Variants in SYT16 observed in about 807,000 individuals in gnomAD.
The protein encoded by SYT16 is synaptotagmin-16.
In SYT16, 42 loss-of-function variants were observed where a neutral mutation model predicts 61.4. That is an observed-to-expected ratio of 0.68 (90% confidence interval 0.53 to 0.89). The LOEUF (loss-of-function observed/expected upper bound fraction) is 0.89, where lower values mean the gene tolerates loss of function less well. Among genes scored for constraint, SYT16 ranks in the 40% least tolerant of loss-of-function variants. The pLI is 0.00. For synonymous variants in SYT16, 314 were observed against 302.3 expected (o/e 1.04, Z -0.40); for missense variants, 804 against 807.3 (o/e 1.00, Z 0.05).
At chr14:61,949,778 C>A (rs553986352) in intron 1 of SYT16, among the ~76,000 whole-genome samples, 2 of 152,184 alleles carry the variant, frequency 1.3e-5, no homozygotes, top group Non-Finnish European at 2.9e-5. Context: ...CATGTAAGTA[C>A]TTTAGCCCCC....
chr14:61,915,364 A>G lies in SYT16; in HGVS notation c.-324-54768A>G, dbSNP rs530048083. ...TTAATTCGTGTAATATGTAATATAG[A>G]TGTATGCATACATAACATACATCTA... On this transcript the variant is annotated intron_variant, in intron 1 of 7. Coordinates refer to ENST00000683842, the MANE Select transcript of SYT16 (RefSeq NM_001367656.1). 2.9e-3 allele frequency among the ~76,000 whole-genome samples: 447 copies of G among 152,292 alleles called. 1 individual carries two copies. Among genetic ancestry groups the G allele is most frequent in the Middle Eastern group, 0.01 (3 of 294 alleles).
At chr14:62,070,633 C>T (rs1367646755) in intron 4 of SYT16, among the ~76,000 whole-genome samples, 1 of 152,134 alleles carries the variant, frequency 6.6e-6, no homozygotes, top group East Asian at 1.9e-4. Context: ...TGTGCTTTCC[C>T]AAGCAAAGGT....
intron 1 of SYT16, among the ~76,000 whole-genome samples, chr14:61,948,087 A>C (rs2050519936): frequency 6.6e-6 from 1 of 152,166 alleles, no homozygotes; most frequent in Non-Finnish European, 1.5e-5. Context: ...AGAGTCTTGA[A>C]TGTTATAATA....
chr14:62,048,376 T>C (rs1437366123), intron 3 of SYT16, among the ~76,000 whole-genome samples: 2 of 152,176 alleles, frequency 1.3e-5, no homozygotes, highest in Non-Finnish European at 2.9e-5. Context: ...TTTTTTTCTT[T>C]ATTAGTCTTG....
intron 3 of SYT16, among the ~76,000 whole-genome samples, chr14:62,043,158 A>C (rs574049179): frequency 2.1e-5 from 3 of 146,034 alleles, no homozygotes; most frequent in Admixed American, 1.4e-4. Context: ...CTTGCTTTCC[A>C]GTTCATGTAC....
intron 6 of SYT16, 125 bp downstream of exon 6, chr14:62,081,399 C>T: frequency 9.3e-7 from 1 of 1,078,214 alleles, no homozygotes; most frequent in Non-Finnish European, 1.3e-6. Context: ...ATTTGGCTCT[C>T]CTCACCCTTG....
chr14:61,945,581 C>T (rs576273374), intron 1 of SYT16, among the ~76,000 whole-genome samples: 268 of 152,142 alleles, frequency 1.8e-3, no homozygotes, highest in African/African-American at 6.1e-3. Flanking sequence ...TGGGGCCAGG[C>T]GCGGTGGCTC....
chr14:61,967,207 C>T (rs1242755376), intron 1 of SYT16, among the ~76,000 whole-genome samples: 2 of 152,078 alleles, frequency 1.3e-5, no homozygotes, highest in African/African-American at 4.8e-5. Context: ...AATAGGTGAA[C>T]ACAGCAACAA....
intron 1 of SYT16, among the ~76,000 whole-genome samples, chr14:61,849,055 C>T (rs1383594688): frequency 6.6e-6 from 1 of 152,162 alleles, no homozygotes; most frequent in Non-Finnish European, 1.5e-5. Context: ...GGGTTCTTCC[C>T]TTCAAGGCAG....
At chr14:62,034,732 G>A (rs1240139805) in intron 3 of SYT16, among the ~76,000 whole-genome samples, 1 of 152,138 alleles carries the variant, frequency 6.6e-6, no homozygotes, top group African/African-American at 2.4e-5. Context: ...GAATGGGTTG[G>A]TGACAGGTAG....
chr14:62,109,483 T>C lies in SYT16; in HGVS notation c.*8776T>C, dbSNP rs927824456. 9 of 152,190 alleles carry C rather than the reference T, an allele frequency of 5.9e-5. No homozygotes were observed. The highest frequency in any genetic ancestry group is 1.4e-4 in the African/African-American group (6 of 41,460). The allele number at this position is 152,190 out of a possible 1,614,324, so 9.4% of individuals were successfully genotyped here. On this transcript the variant is annotated 3_prime_UTR_variant, in exon 8 of 8. Transcript: ENST00000683842. ...GTGCGTGCTCTCAGGAAAAGCTGCA[T>C]ATATTTTATATGATCCATCAAATAA...
intron 1 of SYT16, among the ~76,000 whole-genome samples, chr14:61,856,420 ATATAC>A (rs1036303247): frequency 3.9e-5 from 6 of 152,236 alleles, no homozygotes; most frequent in African/African-American, 1.4e-4. Flanking sequence ...ACATATGCAC[ATATAC>A]TATTTAATAC....
chr14:62,018,835 C>T (rs1191500995), intron 3 of SYT16, among the ~76,000 whole-genome samples: 1 of 152,174 alleles, frequency 6.6e-6, no homozygotes, highest in African/African-American at 2.4e-5. Context: ...TTTCACTCTA[C>T]GGTGCTTCTT....
At chr14:62,031,516 G>C (rs1170035009) in intron 3 of SYT16, among the ~76,000 whole-genome samples, 2 of 152,154 alleles carry the variant, frequency 1.3e-5, no homozygotes, top group African/African-American at 4.8e-5. Context: ...ATGAAAACAA[G>C]AGGGGCAAAT....
intron 1 of SYT16, among the ~76,000 whole-genome samples, chr14:61,898,327 C>A (rs1054236450): frequency 6.6e-6 from 1 of 152,146 alleles, no homozygotes; most frequent in Non-Finnish European, 1.5e-5. Context: ...GAGAGGTAGA[C>A]GAGGCATGCA....
Position 62,084,292 on chromosome 14 carries a change from G to T in SYT16, c.1531G>T (p.Val511Leu), listed in dbSNP as rs1337453647. ...TCATGGAGGGGCGCCAGAGCTGTTG[G>T]TGGGGCTCTCGTACAATGCCACAAC... ...LSHGGAPELL[V>L]GLSYNATTGR... Residue 511 changes from valine (V) to leucine (L), a missense_variant, in exon 7 of 8, where the codon GTG becomes TTG. Coordinates refer to ENST00000683842, the MANE Select transcript of SYT16 (RefSeq NM_001367656.1). The T allele has an allele frequency of 1.2e-6, 2 of 1,613,664 alleles. No individual in the cohort carries two copies. The highest frequency in any genetic ancestry group is 2.7e-5 in the African/African-American group (2 of 74,894).
At chr14:62,035,788 T>C (rs1266445953) in intron 3 of SYT16, among the ~76,000 whole-genome samples, 2 of 152,208 alleles carry the variant, frequency 1.3e-5, no homozygotes, top group East Asian at 3.8e-4. Flanking sequence ...AAATATATAA[T>C]TGATTCATTC....
intron 3 of SYT16, among the ~76,000 whole-genome samples, chr14:62,043,508 C>T (rs1196049865): frequency 4.6e-5 from 7 of 150,568 alleles, no homozygotes; most frequent in South Asian, 2.1e-4. Flanking sequence ...CCCTGGTTCA[C>T]GCCATTCTCT....
At chr14:62,042,892 C>T (rs1377760097) in intron 3 of SYT16, among the ~76,000 whole-genome samples, 2 of 152,146 alleles carry the variant, frequency 1.3e-5, no homozygotes, top group Admixed American at 1.3e-4. Flanking sequence ...AATCATAGGA[C>T]TTACCTTTCT....
Sources: allele counts gnomAD v4.1 joint callset (sites outside exome capture counted in the v4.1 genomes callset), GRCh38; gene constraint gnomAD v4.1.1; transcripts MANE v1.5; gene names NCBI Gene and HGNC (gene_info 2026-07-23, HGNC 2026-07-21).